Variants in UBE2F observed in about 807,000 individuals in gnomAD.
The protein encoded by UBE2F is ubiquitin conjugating enzyme E2 F (putative).
UBE2F carries 5 observed loss-of-function variants against 29.6 expected under a neutral mutation model. That is an observed-to-expected ratio of 0.17 (90% confidence interval 0.09 to 0.36). The LOEUF (loss-of-function observed/expected upper bound fraction) is 0.36. Among genes scored for constraint, UBE2F ranks in the 10% least tolerant of loss-of-function variants. UBE2F has a pLI of 1.00. For synonymous variants in UBE2F, 66 were observed against 81.8 expected, an observed-to-expected ratio of 0.81 and a Z score of 1.04; for missense variants, 141 against 228.5, an observed-to-expected ratio of 0.62 and a Z score of 2.47.
At chr2:238,041,151 G>T (rs564495251) in intron 9 of UBE2F, 137 bp from the exon 10 acceptor site, 2 of 783,676 alleles carry the variant, frequency 2.6e-6, no homozygotes, top group South Asian at 1.6e-5. Context: ...ACTCCGCAAG[G>T]TCCCAGTCCT....
rs2063066989 is a variant in UBE2F, at chr2:237,967,024, C to G, written c.-125C>G. ...AGTCCCCGCCCCGCCACTTCCGGTCCCGCCGCCGGGAGCCGGTGCGGCTGT... is the reference window on the plus strand; with the variant it reads ...AGTCCCCGCCCCGCCACTTCCGGTCGCGCCGCCGGGAGCCGGTGCGGCTGT... On this transcript the variant is annotated 5_prime_UTR_variant, in exon 1 of 10. Transcript: ENST00000272930. The surrounding 1 kb of genome is among the most constrained non-coding windows in gnomAD (Gnocchi z 6.3). 3 of 1,275,914 alleles carry G rather than the reference C, an allele frequency of 2.4e-6. No individual in the cohort carries two copies. In the African/African-American group the frequency reaches 4.7e-5, roughly 20 times the overall value. 79.0% of individuals were successfully genotyped at this position (1,275,914 alleles called of 1,614,324 possible).
At position 238,034,244 on chromosome 2, in the gene UBE2F, T is replaced by A. The variant is rs545170111; in HGVS notation, c.445-1634T>A. The stretch of plus-strand genomic sequence containing the variant: ...AAATTGGAGACCAGCCTAGACAATA[T>A]GGTGAAATCTCACCTCTACTAAAAA... On this transcript the variant is annotated intron_variant, in intron 8 of 9. Coordinates refer to ENST00000272930, the MANE Select transcript of UBE2F (RefSeq NM_080678.3). Among the ~76,000 whole-genome samples, 6 of 151,442 alleles carry A rather than the reference T, an allele frequency of 4.0e-5. 1 individual carries two copies. The East Asian group carries it at 5.8e-4, about 15-fold the overall frequency.
At chr2:238,029,947 CTTTCTT>C (rs765181134) in intron 6 of UBE2F, among the ~76,000 whole-genome samples, 10 of 130,822 alleles carry the variant, frequency 7.6e-5, no homozygotes, top group African/African-American at 2.0e-4. Context: ...TTCTTTCTTT[CTTTCTT>C]TTTTTTTTTT....
chr2:238,039,730 T>C (rs368712783), intron 9 of UBE2F, among the ~76,000 whole-genome samples: 1 of 152,112 alleles, frequency 6.6e-6, no homozygotes, highest in African/African-American at 2.4e-5. Context: ...GGCTGGAGCA[T>C]GGGGCCTGCT....
intron 4 of UBE2F, among the ~76,000 whole-genome samples, chr2:237,997,617 T>G (rs950447776): frequency 6.6e-6 from 1 of 152,254 alleles, no homozygotes; most frequent in Non-Finnish European, 1.5e-5. Flanking sequence ...CCAGTAATCC[T>G]GGAGCTAGGG....
At chr2:238,012,995 G>A (rs1394688687) in intron 4 of UBE2F, among the ~76,000 whole-genome samples, 1 of 152,302 alleles carries the variant, frequency 6.6e-6, no homozygotes. Flanking sequence ...ATGGGTATAG[G>A]CCAGGTGTGG....
chr2:237,973,115 C>T lies in UBE2F; in HGVS notation c.8C>T (p.Thr3Met), dbSNP rs772665382. 11 of 1,612,578 alleles carry T rather than the reference C, an allele frequency of 6.8e-6. No homozygotes were observed. The highest frequency in any genetic ancestry group is 7.6e-6 in the Non-Finnish European group (9 of 1,178,884). Reference protein sequence around the residue: MLTLASKLKRDDG... With the variant: MLMLASKLKRDDG... ...AGGGTAAAGGCAGCAGTAATGCTAA[C>T]GCTAGCAAGTAAACTGAAGCGTGAC... The change falls in exon 2 of 10, where the codon ACG becomes ATG. Residue 3 changes from threonine (T) to methionine (M), a missense_variant. Thr to Met is a moderately conservative substitution (Grantham distance 81). Coordinates refer to ENST00000272930, the MANE Select transcript of UBE2F (RefSeq NM_080678.3).
chr2:238,025,682 T>C (rs1213640276), intron 6 of UBE2F, among the ~76,000 whole-genome samples: 3 of 152,206 alleles, frequency 2.0e-5, no homozygotes, highest in Non-Finnish European at 2.9e-5. Context: ...GGATGGACCC[T>C]TGGAGTCCCT....
At chr2:237,990,567 G>T in intron 3 of UBE2F, 1 of 187,232 alleles carries the variant, frequency 5.3e-6, no homozygotes, top group Non-Finnish European at 1.1e-5. Flanking sequence ...ATGCTACCAC[G>T]CCTAGCTAAT....
intron 4 of UBE2F, among the ~76,000 whole-genome samples, chr2:238,000,892 A>G (rs953126818): frequency 2.0e-5 from 3 of 152,146 alleles, no homozygotes; most frequent in African/African-American, 7.2e-5. Context: ...CATTTCCCTA[A>G]TGACTAGTGA....
intron 2 of UBE2F, among the ~76,000 whole-genome samples, chr2:237,981,342 C>T (rs908535308): frequency 6.6e-6 from 1 of 152,110 alleles, no homozygotes; most frequent in African/African-American, 2.4e-5. Flanking sequence ...CCATTTGTGA[C>T]AACTCCCTGA....
At chr2:237,985,358 C>G (rs1474536268) in intron 2 of UBE2F, among the ~76,000 whole-genome samples, 1 of 151,830 alleles carries the variant, frequency 6.6e-6, no homozygotes, top group East Asian at 1.9e-4. Flanking sequence ...TTGTATCCCC[C>G]CATTCTGCCC....
intron 1 of UBE2F, among the ~76,000 whole-genome samples, chr2:237,971,516 G>T (rs1247675802): frequency 1.3e-5 from 2 of 152,064 alleles, no homozygotes; most frequent in Admixed American, 6.5e-5. Flanking sequence ...TAGAGACGGG[G>T]TTTCACCATG....
At chr2:237,994,024 T>C (rs2106351728) in intron 3 of UBE2F, among the ~76,000 whole-genome samples, 1 of 152,206 alleles carries the variant, frequency 6.6e-6, no homozygotes, top group South Asian at 2.1e-4. Context: ...GTAGTAAAGG[T>C]ATTTTTTAAA....
chr2:238,025,453 T>G, intron 6 of UBE2F, 41 bp downstream of exon 6: 1 of 1,554,092 alleles, frequency 6.4e-7, no homozygotes, highest in Non-Finnish European at 8.9e-7. Flanking sequence ...TTCGTGAGTG[T>G]CATGTGCAAG....
Position 238,032,422 on chromosome 2 carries a change from G to A in UBE2F, c.444+168G>A, listed in dbSNP as rs1050457287. On this transcript the variant is annotated intron_variant, in intron 8 of 9. Coordinates refer to ENST00000272930, the MANE Select transcript of UBE2F (RefSeq NM_080678.3). ...TAGCACTTTGGGTGGATCCCCACTT[G>A]AGTCCAGGAGGCCCAAACCCCATCT... The A allele has an allele frequency of 6.8e-6, 4 of 590,494 alleles. No individual in the cohort carries two copies. The African/African-American group carries it at 7.5e-5, about 11-fold the overall frequency. 36.6% of individuals were successfully genotyped at this position (590,494 alleles called of 1,614,324 possible).
At chr2:238,036,720 G>A (rs1433638782) in intron 9 of UBE2F, among the ~76,000 whole-genome samples, 1 of 152,190 alleles carries the variant, frequency 6.6e-6, no homozygotes, top group East Asian at 1.9e-4. Flanking sequence ...CAGCTACTCA[G>A]GAGGCTAAGG....
chr2:237,968,817 G>A (rs957475067), intron 1 of UBE2F: 8 of 983,712 alleles, frequency 8.1e-6, no homozygotes, highest in Middle Eastern at 5.2e-4. Flanking sequence ...GCCTTAGAGC[G>A]TAATTTGCAG....
At chr2:237,984,106 C>T (rs2063431628) in intron 2 of UBE2F, among the ~76,000 whole-genome samples, 1 of 151,698 alleles carries the variant, frequency 6.6e-6, no homozygotes, top group Non-Finnish European at 1.5e-5. Flanking sequence ...CTCTTTGTCT[C>T]TCGTGGCTTT....
Sources: allele counts gnomAD v4.1 joint callset (sites outside exome capture counted in the v4.1 genomes callset), GRCh38; gene constraint gnomAD v4.1.1; non-coding constraint Gnocchi (gnomAD v3.1); transcripts MANE v1.5; gene names NCBI Gene and HGNC (gene_info 2026-07-23, HGNC 2026-07-21).